The following JMJD1C variants were observed in gnomAD, a reference collection of about 807,000 sequenced individuals.
The protein encoded by JMJD1C is jumonji domain-containing protein 1C.
In JMJD1C, 31 loss-of-function variants were observed where a neutral mutation model predicts 245.3. The observed-to-expected ratio is 0.13, with a 90% confidence interval of 0.09 to 0.17. JMJD1C has a LOEUF of 0.17. Among genes scored for constraint, JMJD1C ranks in the 10% least tolerant of loss-of-function variants. JMJD1C has a pLI of 1.00. For synonymous variants in JMJD1C, 1,057 were observed against 1,017.4 expected (o/e 1.04, Z -0.74); for missense variants, 2,691 against 3,000.2 (o/e 0.90, Z 2.41).
intron 1 of JMJD1C, among the ~76,000 whole-genome samples, chr10:63,472,677 G>A (rs1290683532): frequency 6.6e-6 from 1 of 152,040 alleles, no homozygotes; most frequent in African/African-American, 2.4e-5. Flanking sequence ...TTCATATATA[G>A]CCAAATATGC....
intron 24 of JMJD1C, among the ~76,000 whole-genome samples, chr10:63,169,218 CCAAA>C (rs568713659): frequency 7.1e-4 from 108 of 152,186 alleles, no homozygotes; most frequent in African/African-American, 2.1e-3. Flanking sequence ...TCTCTCCTGA[CCAAA>C]CAGTTTTCCC....
chr10:63,459,036 C>T (rs1008555012), intron 1 of JMJD1C, among the ~76,000 whole-genome samples: 7 of 152,064 alleles, frequency 4.6e-5, no homozygotes, highest in African/African-American at 1.2e-4. Context: ...GCATACATTA[C>T]GGTAGTTGAT....
chr10:63,267,920 T>C (rs964157713), intron 2 of JMJD1C, among the ~76,000 whole-genome samples: 1 of 152,104 alleles, frequency 6.6e-6, no homozygotes, highest in Non-Finnish European at 1.5e-5. Context: ...TCCATTCACA[T>C]GAGGAAGACG....
At chr10:63,319,201 G>C (rs955378349) in intron 2 of JMJD1C, among the ~76,000 whole-genome samples, 1 of 147,396 alleles carries the variant, frequency 6.8e-6, no homozygotes, top group Non-Finnish European at 1.5e-5. Flanking sequence ...AGCTTGCAGT[G>C]TGCTGAGACT....
chr10:63,521,453 G>A (rs1955235942), intron 1 of JMJD1C: 1 of 754,064 alleles, frequency 1.3e-6, no homozygotes, highest in Middle Eastern at 4.9e-4. Flanking sequence ...GGAGCGCGAG[G>A]AGCCGGCGAA....
chr10:63,240,258 A>G (rs1851317272), intron 3 of JMJD1C, among the ~76,000 whole-genome samples: 1 of 152,058 alleles, frequency 6.6e-6, no homozygotes, highest in Non-Finnish European at 1.5e-5. Flanking sequence ...AAAAAGGAAC[A>G]CTACAGAAAA....
At position 63,514,816 on chromosome 10, in the gene JMJD1C, G is replaced by T. The variant is rs149536512; in HGVS notation, n.113+6922C>A. 6.9e-3 allele frequency among the ~76,000 whole-genome samples: 1,052 copies of T among 152,096 alleles called. 6 individuals carry two copies. The highest frequency in any genetic ancestry group is 0.014 in the South Asian group (69 of 4,818). ...AGTAAAAATACGTAAAAAAATTTCT[G>T]GTCTGATATTTCCAACATTCCTGCC... On this transcript the variant is annotated intron_variant and non_coding_transcript_variant, in intron 1 of 3. Transcript: ENST00000633035.
intron 1 of JMJD1C, among the ~76,000 whole-genome samples, chr10:63,464,054 G>A (rs1953000421): frequency 6.6e-6 from 1 of 151,790 alleles, no homozygotes; most frequent in Admixed American, 6.6e-5. Context: ...AATAAGTCCT[G>A]GGCTCTAGCA....
At chr10:63,386,874 C>A (rs889083182) in intron 1 of JMJD1C, among the ~76,000 whole-genome samples, 2 of 152,206 alleles carry the variant, frequency 1.3e-5, no homozygotes, top group Non-Finnish European at 2.9e-5. Context: ...TCGACCTGCA[C>A]AGACCCACTA....
intron 2 of JMJD1C, among the ~76,000 whole-genome samples, chr10:63,339,921 T>C (rs1286504905): frequency 1.3e-5 from 2 of 152,154 alleles, no homozygotes; most frequent in Non-Finnish European, 2.9e-5. Context: ...ATTACAGGCA[T>C]GCACCTGTAG....
intron 2 of JMJD1C, among the ~76,000 whole-genome samples, chr10:63,335,074 C>A (rs1318869716): frequency 6.7e-6 from 1 of 149,096 alleles, no homozygotes; most frequent in Non-Finnish European, 1.5e-5. Flanking sequence ...GAGTTCCAGT[C>A]CTTCACAAAA....
At chr10:63,198,785 C>T in intron 11 of JMJD1C, 58 bp from the exon 12 acceptor site, 1 of 985,630 alleles carries the variant, frequency 1.0e-6, no homozygotes, top group Non-Finnish European at 1.5e-6. Flanking sequence ...TAAGTCCAGT[C>T]TTTAAAATTG....
chr10:63,366,382 C>CCT (rs1308222220), intron 2 of JMJD1C, among the ~76,000 whole-genome samples: 7 of 152,250 alleles, frequency 4.6e-5, no homozygotes, highest in African/African-American at 1.4e-4. Flanking sequence ...GGATTCTGCA[C>CCT]CCTATGTCTC....
upstream of JMJD1C, chr10:63,466,132 G>C (rs902631236): frequency 1.1e-5 from 2 of 181,152 alleles, no homozygotes; most frequent in Non-Finnish European, 2.2e-5. Context: ...GGTCCGTCCA[G>C]ATCCAGAGGC....
At chr10:63,298,741 CT>C (rs1241976937) in intron 2 of JMJD1C, among the ~76,000 whole-genome samples, 2 of 151,332 alleles carry the variant, frequency 1.3e-5, no homozygotes, top group South Asian at 4.2e-4. Context: ...TCATTCTAAT[CT>C]TTTTTTTTAG....
chr10:63,181,181 G>C (rs2132859062), intron 22 of JMJD1C, among the ~76,000 whole-genome samples: 1 of 152,246 alleles, frequency 6.6e-6, no homozygotes, highest in East Asian at 1.9e-4. Flanking sequence ...TTCTTATAGA[G>C]AGTTTGAAAT....
At chr10:63,345,266 C>T (rs1243720195) in intron 2 of JMJD1C, among the ~76,000 whole-genome samples, 1 of 152,148 alleles carries the variant, frequency 6.6e-6, no homozygotes, top group Non-Finnish European at 1.5e-5. Context: ...GTGGGCGGAT[C>T]ACCTGAGGTC....
chr10:63,202,597 A>G, intron 10 of JMJD1C: 1 of 985,426 alleles, frequency 1.0e-6, no homozygotes, highest in South Asian at 4.7e-5. Context: ...CGTTCTTTAC[A>G]ATTACATGCT....
chr10:63,335,023 GAAAAAAATAAA>G (rs1473960733), intron 2 of JMJD1C, among the ~76,000 whole-genome samples: 1 of 100,836 alleles, frequency 9.9e-6, no homozygotes, highest in African/African-American at 4.1e-5. Context: ...TCTGTCTTTG[GAAAAAAATAAA>G]AAAAAAAAAA....
Sources: allele counts gnomAD v4.1 joint callset (sites outside exome capture counted in the v4.1 genomes callset), GRCh38; gene constraint gnomAD v4.1.1; transcripts MANE v1.5; gene names NCBI Gene and HGNC (gene_info 2026-07-23, HGNC 2026-07-21).